The following ESF1 variants were observed in gnomAD, a reference collection of about 807,000 sequenced individuals.
ESF1 encodes ESF1 nucleolar pre-rRNA processing protein.
ESF1 carries 58 observed loss-of-function variants against 92.0 expected under a neutral mutation model. The ratio of observed to expected loss-of-function variants is 0.63; its 90% CI spans 0.51 to 0.78. The LOEUF (loss-of-function observed/expected upper bound fraction) is 0.78. ESF1 is among the 30% of genes least tolerant of loss of function. The probability of loss-of-function intolerance (pLI) is 0.00; values close to 1 mark genes in which losing one functional copy is unlikely to be tolerated. For missense variants in ESF1, 922 were observed against 989.1 expected, an observed-to-expected ratio of 0.93 and a Z score of 0.91; for synonymous variants, 321 against 313.7, an observed-to-expected ratio of 1.02 and a Z score of -0.24.
At chr20:13,757,831 C>A (rs1322936530) in intron 9 of ESF1, among the ~76,000 whole-genome samples, 2 of 152,156 alleles carry the variant, frequency 1.3e-5, no homozygotes, top group African/African-American at 4.8e-5. Flanking sequence ...CACCTCAATC[C>A]AGTTTATTTT....
rs1314077578 is a variant in ESF1 at position 13,717,362 on chromosome 20, G to A, written c.2262+6C>T. 6.2e-7 allele frequency: 1 copy of A among 1,613,628 alleles called. No homozygotes were observed. The highest frequency in any genetic ancestry group is 1.7e-5 in the Admixed American group (1 of 59,940). ...TTAAGAGGCTATGCCTGGTGTCTAT[G>A]GTTACCTCAAAGTCATCCTCTATTA... On this transcript the variant is annotated splice_donor_region_variant and intron_variant, in intron 13 of 13. Transcript: ENST00000617257.
intron 1 of ESF1, among the ~76,000 whole-genome samples, chr20:13,784,285 C>CA (rs1980497380): frequency 8.5e-5 from 1 of 11,704 alleles, no homozygotes; most frequent in South Asian, 2.9e-3. Flanking sequence ...TATTAAGCAA[C>CA]CCCCCCCCAA....
intron 9 of ESF1, among the ~76,000 whole-genome samples, chr20:13,757,795 A>G (rs940415387): frequency 5.9e-5 from 9 of 152,324 alleles, no homozygotes; most frequent in Admixed American, 2.0e-4. Context: ...CTGGCATTAT[A>G]TATTTCTGAA....
At chr20:13,716,805 T>A (rs1038358144) in intron 13 of ESF1, among the ~76,000 whole-genome samples, 1 of 5,900 alleles carries the variant, frequency 1.7e-4, no homozygotes, top group Non-Finnish European at 4.4e-4. Context: ...TATACCTGGA[T>A]TTTTTTTTTT....
intron 2 of ESF1, 65 bp downstream of exon 2, chr20:13,782,426 ATGTGTTTACATTT>A (rs1980232769): frequency 8.4e-7 from 1 of 1,190,494 alleles, no homozygotes; most frequent in Admixed American, 2.8e-5. Flanking sequence ...ATACTTATTA[ATGTGTTTACATTT>A]TTGAAAGATC....
chr20:13,715,303 T>C, intron 13 of ESF1, 136 bp from the exon 14 acceptor site: 1 of 819,058 alleles, frequency 1.2e-6, no homozygotes, highest in Non-Finnish European at 1.7e-6. Context: ...TTGTACTGAT[T>C]CATTAGGAAA....
chr20:13,763,498 A>T lies in ESF1; in HGVS notation c.1666+3279T>A, dbSNP rs145022156. Among the ~76,000 whole-genome samples the T allele has an allele frequency of 3.2e-4, 49 of 152,388 alleles. No individual in the cohort carries two copies. The East Asian group carries it at 8.9e-3, about 28-fold the overall frequency. On this transcript the variant is annotated intron_variant, in intron 8 of 13. Transcript: ENST00000617257. ...CCAATCTTCACAAGTGTACATAAAAAGTTATCTTTTTTCCTTTATCTTACA... is the reference window on the plus strand; with the variant it reads ...CCAATCTTCACAAGTGTACATAAAATGTTATCTTTTTTCCTTTATCTTACA...
chr20:13,773,776 T>C (rs1481423534), intron 4 of ESF1, among the ~76,000 whole-genome samples: 1 of 152,144 alleles, frequency 6.6e-6, no homozygotes, highest in Non-Finnish European at 1.5e-5. Flanking sequence ...TGAGTTTTTA[T>C]ATTAGCATGA....
chr20:13,762,391 C>T (rs1176093559), intron 8 of ESF1, among the ~76,000 whole-genome samples: 3 of 152,156 alleles, frequency 2.0e-5, no homozygotes, highest in Non-Finnish European at 2.9e-5. Flanking sequence ...ATCAGGAACA[C>T]ATTAACAAAT....
intron 7 of ESF1, among the ~76,000 whole-genome samples, chr20:13,769,629 T>C (rs1284646048): frequency 3.3e-5 from 5 of 151,876 alleles, no homozygotes; most frequent in African/African-American, 1.2e-4. Context: ...CTAGTAAAAA[T>C]ACAAAAATTA....
At chr20:13,782,366 T>C (rs1227357971) in intron 2 of ESF1, 138 bp downstream of exon 2, 2 of 694,372 alleles carry the variant, frequency 2.9e-6, no homozygotes, top group African/African-American at 1.9e-5. Flanking sequence ...ATTTCTTTTA[T>C]AGCTTTGTAT....
intron 3 of ESF1, 93 bp from the exon 4 acceptor site, chr20:13,775,363 CT>C: frequency 1.3e-6 from 1 of 775,028 alleles, no homozygotes. Context: ...CTTCTGTCCC[CT>C]ATGCTCTGAA....
chr20:13,748,590 ATATTTT>A (rs1484786791), intron 9 of ESF1, among the ~76,000 whole-genome samples: 13 of 90,658 alleles, frequency 1.4e-4, no homozygotes, highest in Admixed American at 4.0e-4. Context: ...ATATATATAT[ATATTTT>A]TTTTTTTTTG....
At chr20:13,763,176 T>C (rs1031980372) in intron 8 of ESF1, among the ~76,000 whole-genome samples, 9 of 152,184 alleles carry the variant, frequency 5.9e-5, no homozygotes, top group African/African-American at 2.2e-4. Flanking sequence ...ATTAAAGTTT[T>C]AAGAAATAAA....
chr20:13,745,677 C>G (rs1203507804), intron 9 of ESF1, among the ~76,000 whole-genome samples: 3 of 152,118 alleles, frequency 2.0e-5, no homozygotes, highest in East Asian at 1.9e-4. Context: ...GTCTCAAACT[C>G]CTGACCTCAG....
rs780662212 is a variant in ESF1, at chr20:13,776,077, CTCT to C, written c.828_830del (p.Glu278del). 22 of 1,613,424 alleles carry C rather than the reference CTCT, an allele frequency of 1.4e-5. No individual in the cohort carries two copies. The highest frequency in any genetic ancestry group is 6.7e-5 in the East Asian group (3 of 44,868). On this transcript the variant is annotated inframe_deletion, in exon 3 of 14. Coordinates refer to ENST00000617257, the MANE Select transcript of ESF1 (RefSeq NM_001276380.2). ...CATCCTCCTCTTCATCTTCATCCTC[CTCT>C]TCATCATCTTCACTTCCATCGTCAT...
At chr20:13,752,652 T>A (rs1444348436) in intron 9 of ESF1, among the ~76,000 whole-genome samples, 2 of 152,330 alleles carry the variant, frequency 1.3e-5, no homozygotes, top group Non-Finnish European at 2.9e-5. Flanking sequence ...AAAAACATTT[T>A]TACTTCTAAA....
At chr20:13,730,385 CTTT>C (rs761416984) in intron 10 of ESF1, among the ~76,000 whole-genome samples, 2 of 134,164 alleles carry the variant, frequency 1.5e-5, no homozygotes. Context: ...AGAACAAGTG[CTTT>C]TTTTTTTTTT....
intron 9 of ESF1, among the ~76,000 whole-genome samples, chr20:13,743,359 C>T (rs967871369): frequency 1.3e-5 from 2 of 152,168 alleles, no homozygotes; most frequent in East Asian, 1.9e-4. Flanking sequence ...ACCATAAGAT[C>T]CAGCAATCCC....
Sources: gnomAD v4.1 joint callset for allele counts (sites outside exome capture counted in the v4.1 genomes callset) on GRCh38, gnomAD v4.1.1 for gene constraint, MANE v1.5 for transcripts, NCBI Gene and HGNC (gene_info 2026-07-23, HGNC 2026-07-21) for gene names.